PDZD2: variants seen among roughly 807,000 people sequenced by gnomAD.
PDZD2 encodes the protein PDZ domain containing 2, also known as PDZ domain-containing protein 2.
A neutral mutation model predicts 220.7 loss-of-function variants in PDZD2; 90 were observed. The ratio of observed to expected loss-of-function variants is 0.41; its 90% CI spans 0.34 to 0.49. The LOEUF is 0.49. Ranked by LOEUF, PDZD2 falls within the 20% of genes least tolerant of loss-of-function variation. The pLI is 0.28. For synonymous variants in PDZD2, 1,375 were observed against 1,450.5 expected, an observed-to-expected ratio of 0.95 and a Z score of 1.18; for missense variants, 3,174 against 3,608.5, an observed-to-expected ratio of 0.88 and a Z score of 3.08.
At chr5:31,743,304 G>A (rs997667930) in intron 1 of PDZD2, among the ~76,000 whole-genome samples, 3 of 151,772 alleles carry the variant, frequency 2.0e-5, no homozygotes, top group African/African-American at 7.3e-5. Context: ...CATCCCCAAT[G>A]GCTGGGATTA....
At position 31,774,573 on chromosome 5, in the gene PDZD2, G is replaced by A. The variant is rs530331332; in HGVS notation, c.-360-24316G>A. Among the ~76,000 whole-genome samples, 318 of 151,838 alleles carry A rather than the reference G, an allele frequency of 2.1e-3. 8 individuals are homozygous for A. Among genetic ancestry groups the A allele is most frequent in the Middle Eastern group, 0.014 (4 of 294 alleles). On this transcript the variant is annotated intron_variant, in intron 1 of 24. Coordinates refer to ENST00000438447, the MANE Select transcript of PDZD2 (RefSeq NM_178140.4). Reference sequence around the variant, plus strand: ...GACTAAAAATACAAAAAAAGTAGCCGGGTGTGGTGGTGCACGCCTGTAATC... The same window carrying A: ...GACTAAAAATACAAAAAAAGTAGCCAGGTGTGGTGGTGCACGCCTGTAATC...
At position 32,090,819 on chromosome 5, in the gene PDZD2, C is replaced by T. The variant is rs1309312880; in HGVS notation, c.7371C>T (p.Thr2457=). 1.2e-6 allele frequency: 2 copies of T among 1,614,082 alleles called. No individual in the cohort carries two copies. Among genetic ancestry groups the T allele is most frequent in the Admixed American group, 3.3e-5 (2 of 60,012 alleles). Reference sequence around the variant, plus strand: ...TGGGAATTCCCACCCCAACGATGACCCTGGCTTCTCCTGTTAAGAGGAACA... The same window carrying T: ...TGGGAATTCCCACCCCAACGATGACTCTGGCTTCTCCTGTTAAGAGGAACA... ...GPLGIPTPTM[T]LASPVKRNKS... The change falls in exon 20 of 25, where the codon ACC becomes ACT. Residue 2457 remains threonine (T), a synonymous_variant. Coordinates refer to ENST00000438447, the MANE Select transcript of PDZD2 (RefSeq NM_178140.4). The surrounding 1 kb of genome is among the most constrained non-coding windows in gnomAD (Gnocchi z 4.3).
intron 1 of PDZD2, among the ~76,000 whole-genome samples, chr5:31,711,876 G>A (rs981139216): frequency 2.0e-5 from 3 of 152,236 alleles, no homozygotes; most frequent in Non-Finnish European, 4.4e-5. Flanking sequence ...AGAAGGAGGG[G>A]GAGTTTGCCC....
intron 1 of PDZD2, among the ~76,000 whole-genome samples, chr5:31,734,549 C>A (rs1749732613): frequency 6.6e-6 from 1 of 152,118 alleles, no homozygotes; most frequent in Non-Finnish European, 1.5e-5. Context: ...GAACTCGTGA[C>A]CTCAGGTGAT....
chr5:31,784,151 G>A (rs1021132508), intron 1 of PDZD2, among the ~76,000 whole-genome samples: 14 of 152,134 alleles, frequency 9.2e-5, no homozygotes, highest in Middle Eastern at 6.8e-3. Context: ...TGTCCCTCCC[G>A]TCCTCACCTC....
At chr5:31,825,541 C>T (rs946265146) in intron 2 of PDZD2, among the ~76,000 whole-genome samples, 1 of 152,190 alleles carries the variant, frequency 6.6e-6, no homozygotes, top group Non-Finnish European at 1.5e-5. Context: ...ATCAGACAGT[C>T]GGTCATGTTC....
chr5:32,033,970 C>T (rs1755327304), intron 6 of PDZD2, among the ~76,000 whole-genome samples: 1 of 152,272 alleles, frequency 6.6e-6, no homozygotes, highest in Non-Finnish European at 1.5e-5. Flanking sequence ...AACCTACTGG[C>T]ATTTTGTAGA....
chr5:32,009,733 A>G (rs77940642), intron 5 of PDZD2, among the ~76,000 whole-genome samples: 1 of 136,012 alleles, frequency 7.4e-6, no homozygotes, highest in Non-Finnish European at 1.5e-5. Flanking sequence ...CTTGTCTATT[A>G]AAAAAAAAAA....
At chr5:31,918,936 G>A (rs1361627649) in intron 2 of PDZD2, among the ~76,000 whole-genome samples, 1 of 152,168 alleles carries the variant, frequency 6.6e-6, no homozygotes, top group Non-Finnish European at 1.5e-5. Context: ...AGCCCCTTTG[G>A]GAACCGCTGA....
intron 7 of PDZD2, among the ~76,000 whole-genome samples, chr5:32,046,363 C>G (rs549865797): frequency 1.2e-4 from 18 of 152,280 alleles, no homozygotes; most frequent in African/African-American, 4.1e-4. Context: ...TGGCCTCAGC[C>G]TCCTGAGTAG....
At chr5:31,959,381 CAG>C (rs34228201) in intron 2 of PDZD2, among the ~76,000 whole-genome samples, 5,835 of 150,112 alleles carry the variant, frequency 0.039, 370 homozygotes, top group African/African-American at 0.13. Flanking sequence ...GTTTTTGAGA[CAG>C]AGTCTCACTC....
chr5:31,860,589 A>G (rs572020447), intron 2 of PDZD2, among the ~76,000 whole-genome samples: 247 of 152,218 alleles, frequency 1.6e-3, no homozygotes, highest in African/African-American at 5.5e-3. Flanking sequence ...CCCTCCTCTC[A>G]GTTTCTCCTT....
chr5:31,851,520 C>T (rs1175004760), intron 2 of PDZD2, among the ~76,000 whole-genome samples: 1 of 152,216 alleles, frequency 6.6e-6, no homozygotes, highest in East Asian at 1.9e-4. Flanking sequence ...TCATGCTGAA[C>T]TCTAAACTGT....
At chr5:31,717,030 A>G (rs1318635923) in intron 1 of PDZD2, among the ~76,000 whole-genome samples, 1 of 152,088 alleles carries the variant, frequency 6.6e-6, no homozygotes, top group East Asian at 1.9e-4. Flanking sequence ...GTGGTTTTTT[A>G]TCTCTAAGAA....
At chr5:31,952,884 A>G (rs1747305676) in intron 2 of PDZD2, among the ~76,000 whole-genome samples, 2 of 152,048 alleles carry the variant, frequency 1.3e-5, no homozygotes, top group South Asian at 2.1e-4. Flanking sequence ...ACATGGTGAA[A>G]CCCTGTCTCT....
At chr5:31,700,697 G>A (rs1747571590) in intron 1 of PDZD2, among the ~76,000 whole-genome samples, 1 of 152,200 alleles carries the variant, frequency 6.6e-6, no homozygotes, top group Admixed American at 6.5e-5. Flanking sequence ...AGGGAAGGGT[G>A]AAGCCATTAC....
rs56916714 is a variant in PDZD2, at chr5:31,856,429, A to AGAAAGGGAAAGTGATGG, written c.476+56707_476+56723dup. 4.0e-3 allele frequency among the ~76,000 whole-genome samples: 609 copies of AGAAAGGGAAAGTGATGG among 151,668 alleles called. 2 individuals carry two copies. The highest frequency in any genetic ancestry group is 0.014 in the African/African-American group (585 of 41,502). On this transcript the variant is annotated intron_variant, in intron 2 of 24. Coordinates refer to ENST00000438447, the MANE Select transcript of PDZD2 (RefSeq NM_178140.4). ...GAGCGGGCCACAAACAAAAGAAACA[A>AGAAAGGGAAAGTGATGG]GAAAGGGAAAGTGATGGGGTTCGGA...
intron 2 of PDZD2, among the ~76,000 whole-genome samples, chr5:31,943,433 G>A (rs989396426): frequency 3.9e-5 from 6 of 152,104 alleles, no homozygotes; most frequent in Non-Finnish European, 7.4e-5. Flanking sequence ...AATCCACATT[G>A]GTATGGTAGG....
At chr5:31,714,405 A>G (rs1217715044) in intron 1 of PDZD2, among the ~76,000 whole-genome samples, 2 of 152,196 alleles carry the variant, frequency 1.3e-5, no homozygotes, top group Non-Finnish European at 2.9e-5. Context: ...GCTTCTATCA[A>G]TATTCTGGTA....
Sources: gnomAD v4.1 joint callset for allele counts (sites outside exome capture counted in the v4.1 genomes callset) on GRCh38, gnomAD v4.1.1 for gene constraint, Gnocchi (gnomAD v3.1) non-coding constraint, MANE v1.5 for transcripts, NCBI Gene and HGNC (gene_info 2026-07-23, HGNC 2026-07-21) for gene names.